The following EMP2 variants were observed in gnomAD, a reference collection of about 807,000 sequenced individuals.
The protein encoded by EMP2 is epithelial membrane protein 2.
EMP2 carries 19 observed loss-of-function variants against 13.7 expected under a neutral mutation model. That is an observed-to-expected ratio of 1.38 (90% CI 0.97 to 2.03). EMP2 has a LOEUF of 2.03. Ranked by LOEUF, EMP2 falls within the 30% of genes most tolerant of loss-of-function variation. The pLI, the probability that EMP2 is intolerant of heterozygous loss-of-function variation, is 0.00. For missense variants in EMP2, 253 were observed against 220.7 expected, an observed-to-expected ratio of 1.15 and a Z score of -0.93; for synonymous variants, 97 against 84.7, an observed-to-expected ratio of 1.15 and a Z score of -0.80.
intron 1 of EMP2, among the ~76,000 whole-genome samples, chr16:10,555,986 T>C (rs2050824831): frequency 1.3e-5 from 2 of 152,216 alleles, no homozygotes; most frequent in Non-Finnish European, 2.9e-5. Flanking sequence ...GTTAACTTAA[T>C]TATTAACTTC....
At position 10,532,920 on chromosome 16, in the gene EMP2, C is replaced by T. The variant is rs2050618460; in HGVS notation, c.489G>A (p.Leu163=). ...TFISGMMYLI[L]RKRK ...CTCCGGAACTCTATTTGCGCTTCCT[C>T]AGTATCAGGTACATCATGCCGCTGA... Residue 163 remains leucine (L), a synonymous_variant, in exon 5 of 5, where the codon CTG becomes CTA. Coordinates refer to ENST00000359543, the MANE Select transcript of EMP2 (RefSeq NM_001424.6). The T allele has an allele frequency of 1.3e-6, 2 of 1,555,312 alleles. No individual in the cohort carries two copies. The highest frequency in any genetic ancestry group is 1.7e-6 in the Non-Finnish European group (2 of 1,147,180).
Position 10,533,106 on chromosome 16 carries a change from A to G in EMP2, c.317-14T>C. ...TGACACACAGACCTGTCAGGAAGAA[A>G]GGTGAATTTTCAATAAATCATGGAC... On this transcript the variant is annotated splice_polypyrimidine_tract_variant and intron_variant, in intron 4 of 4. Coordinates refer to ENST00000359543, the MANE Select transcript of EMP2 (RefSeq NM_001424.6). 1 of 1,541,614 alleles carries G rather than the reference A, an allele frequency of 6.5e-7. No individual in the cohort carries two copies.
chr16:10,549,385 T>C (rs1289837919), intron 1 of EMP2, among the ~76,000 whole-genome samples: 1 of 152,134 alleles, frequency 6.6e-6, no homozygotes. Context: ...GAAAAAGCAT[T>C]CAAAAGAATG....
intron 1 of EMP2, among the ~76,000 whole-genome samples, chr16:10,571,322 G>C (rs1440822496): frequency 1.4e-5 from 2 of 144,826 alleles, no homozygotes; most frequent in African/African-American, 5.1e-5. Context: ...GGCTAGAGGA[G>C]AAAGCAACAG....
Position 10,538,079 on chromosome 16 carries a change from G to A in EMP2, c.170-5C>T, listed in dbSNP as rs368947502. The A allele has an allele frequency of 1.5e-5, 25 of 1,613,232 alleles. No individual in the cohort carries two copies. The highest frequency in any genetic ancestry group is 2.2e-5 in the East Asian group (1 of 44,888). Reference sequence around the variant, plus strand: ...CCGCCTGCAGCGTGGAGTACTCTGCGGGAAAAGGGCAGGGGCGCAGGACTG... The same window carrying A: ...CCGCCTGCAGCGTGGAGTACTCTGCAGGAAAAGGGCAGGGGCGCAGGACTG... On this transcript the variant is annotated splice_polypyrimidine_tract_variant and splice_region_variant and intron_variant, in intron 3 of 4. Coordinates refer to ENST00000359543, the MANE Select transcript of EMP2 (RefSeq NM_001424.6).
At chr16:10,555,281 A>G (rs1472674115) in intron 1 of EMP2, among the ~76,000 whole-genome samples, 2 of 152,198 alleles carry the variant, frequency 1.3e-5, no homozygotes, top group Non-Finnish European at 2.9e-5. Context: ...ACTTTGAAGC[A>G]TAACTTTCGC....
chr16:10,576,827 C>A (rs747852204), intron 1 of EMP2: 11 of 152,244 alleles, frequency 7.2e-5, no homozygotes, highest in Admixed American at 5.9e-4. Context: ...GGGAGGGACT[C>A]ATTTGGCCAG....
chr16:10,569,277 A>C (rs2050930934), intron 1 of EMP2, among the ~76,000 whole-genome samples: 1 of 152,186 alleles, frequency 6.6e-6, no homozygotes. Flanking sequence ...ACTATTCAAC[A>C]GTTTTCCTTA....
intron 1 of EMP2, among the ~76,000 whole-genome samples, chr16:10,548,687 A>G (rs1245904916): frequency 6.6e-6 from 1 of 152,152 alleles, no homozygotes; most frequent in Non-Finnish European, 1.5e-5. Flanking sequence ...CAGCAAGACC[A>G]CATCTCAAAG....
In EMP2 at chr16:10,556,246, T is replaced by C. The variant is rs2050826989; in HGVS notation, c.-60-8569A>G. Among the ~76,000 whole-genome samples, 6 of 152,180 alleles carry C rather than the reference T, an allele frequency of 3.9e-5. No individual in the cohort carries two copies. In the South Asian group the frequency reaches 1.0e-3, roughly 26 times the overall value. On this transcript the variant is annotated intron_variant, in intron 1 of 4. Coordinates refer to ENST00000359543, the MANE Select transcript of EMP2 (RefSeq NM_001424.6). ...TCTTTCCTTCCTTCTTGTCTGTGGTTCCATCTATTTTCCATATTGCTTCAG... is the reference window on the plus strand; with the variant it reads ...TCTTTCCTTCCTTCTTGTCTGTGGTCCCATCTATTTTCCATATTGCTTCAG...
At chr16:10,570,618 G>A (rs1486881319) in intron 1 of EMP2, among the ~76,000 whole-genome samples, 3 of 151,874 alleles carry the variant, frequency 2.0e-5, no homozygotes, top group Non-Finnish European at 2.9e-5. Context: ...GGCTGGTCTC[G>A]AACTCCTAAC....
At position 10,550,287 on chromosome 16, in the gene EMP2, A is replaced by G. The variant is rs1434040786; in HGVS notation, c.-60-2610T>C. Among the ~76,000 whole-genome samples, 3 of 152,314 alleles carry G rather than the reference A, an allele frequency of 2.0e-5. No homozygotes were observed. The East Asian group carries it at 5.8e-4, about 29-fold the overall frequency. On this transcript the variant is annotated intron_variant, in intron 1 of 4. Transcript: ENST00000359543. ...TACAGTCCATAGTCAAATTTCCCCA[A>G]TTAACCCAATAATGTTCTACATGGC...
intron 1 of EMP2, among the ~76,000 whole-genome samples, chr16:10,578,743 C>G (rs544963594): frequency 6.6e-6 from 1 of 152,376 alleles, no homozygotes; most frequent in African/African-American, 2.4e-5. Flanking sequence ...GTGGCCAGCC[C>G]TCTGCCTCCT....
intron 1 of EMP2, among the ~76,000 whole-genome samples, chr16:10,565,484 C>A (rs2050901374): frequency 6.6e-6 from 1 of 152,232 alleles, no homozygotes. Context: ...GGTCTCCAAG[C>A]CTGCTGGCCC....
intron 1 of EMP2, among the ~76,000 whole-genome samples, chr16:10,553,449 G>A (rs2050803906): frequency 6.6e-6 from 1 of 152,206 alleles, no homozygotes; most frequent in Non-Finnish European, 1.5e-5. Context: ...TTGGTGGAGT[G>A]CATTTATTCA....
intron 1 of EMP2, among the ~76,000 whole-genome samples, chr16:10,549,552 T>G (rs925622826): frequency 1.2e-4 from 18 of 152,222 alleles, no homozygotes; most frequent in African/African-American, 4.3e-4. Flanking sequence ...ATATCAACAC[T>G]TGGTTCATTC....
chr16:10,555,839 G>A (rs938254451), intron 1 of EMP2, among the ~76,000 whole-genome samples: 8 of 152,052 alleles, frequency 5.3e-5, no homozygotes, highest in African/African-American at 9.7e-5. Context: ...TGCCTGCCTC[G>A]GCCTCCCAAA....
Position 10,532,999 on chromosome 16 carries a change from C to T in EMP2, c.410G>A (p.Gly137Asp). 1 of 1,612,212 alleles carries T rather than the reference C, an allele frequency of 6.2e-7. No individual in the cohort carries two copies. The highest frequency in any genetic ancestry group is 1.7e-5 in the Admixed American group (1 of 59,790). ...CAGGATGTAGGAGTAGCCGTAGCTG[C>T]CTTCTCTGGTCACGGGATAGAATTT... ...NAKFYPVTRE[G>D]SYGYSYILAW... The change falls in exon 5 of 5, where the codon GGC becomes GAC. Residue 137 changes from glycine (G) to aspartate (D), a missense_variant. Gly to Asp is a moderately conservative substitution (Grantham distance 94). Transcript: ENST00000359543.
intron 1 of EMP2, among the ~76,000 whole-genome samples, chr16:10,553,254 G>C (rs573467776): frequency 6.6e-6 from 1 of 152,316 alleles, no homozygotes; most frequent in East Asian, 1.9e-4. Context: ...TGCCCTCTTA[G>C]AGGCAACCAC....
Sources: gnomAD v4.1 joint callset for allele counts (sites outside exome capture counted in the v4.1 genomes callset) on GRCh38, gnomAD v4.1.1 for gene constraint, MANE v1.5 for transcripts, NCBI Gene and HGNC (gene_info 2026-07-23, HGNC 2026-07-21) for gene names.